RPS6KA6: variants seen among roughly 807,000 people sequenced by gnomAD.
RPS6KA6 encodes ribosomal protein S6 kinase A6.
Under a neutral mutation model 65.4 loss-of-function variants are expected in RPS6KA6, and 27 were observed. That is an observed-to-expected ratio of 0.41 (90% CI 0.30 to 0.57). RPS6KA6 has a LOEUF of 0.57. Among genes scored for constraint, RPS6KA6 ranks in the 20% least tolerant of loss-of-function variants. RPS6KA6 has a pLI of 0.24. For synonymous variants in RPS6KA6, 190 were observed against 184.2 expected (o/e 1.03, Z -0.26); for missense variants, 486 against 555.6 (o/e 0.87, Z 1.26).
At chrX:84,081,942 A>G (rs758474215) in intron 20 of RPS6KA6, among the ~76,000 whole-genome samples, 1 of 112,200 alleles carries the variant, frequency 8.9e-6, no homozygotes, top group South Asian at 3.7e-4. Context: ...GATGGAACAT[A>G]TTTCAAAATA....
chrX:84,077,659 G>T (rs1399172116), intron 20 of RPS6KA6, among the ~76,000 whole-genome samples: 1 of 111,535 alleles, frequency 9.0e-6, no homozygotes, highest in Non-Finnish European at 1.9e-5. Flanking sequence ...ACTTCTAAAA[G>T]AAAACACAGG....
At chrX:84,183,264 C>T (rs1248211254) in intron 1 of RPS6KA6, among the ~76,000 whole-genome samples, 2 of 111,376 alleles carry the variant, frequency 1.8e-5, no homozygotes, top group Non-Finnish European at 3.8e-5. Flanking sequence ...TCTTTTTACT[C>T]TCCAACATCT....
chrX:84,111,369 A>G (rs1213243528), intron 12 of RPS6KA6, among the ~76,000 whole-genome samples: 1 of 111,324 alleles, frequency 9.0e-6, no homozygotes, highest in Non-Finnish European at 1.9e-5. Flanking sequence ...GAATACAAAC[A>G]TGACCGAGGG....
chrX:84,121,951 A>G (rs1485425203), intron 8 of RPS6KA6, among the ~76,000 whole-genome samples: 1 of 112,366 alleles, frequency 8.9e-6, no homozygotes, highest in East Asian at 2.8e-4. Context: ...AAGAAAATGA[A>G]AAAGAAGCTA....
At chrX:84,182,299 C>CA (rs1052403932) in intron 1 of RPS6KA6, among the ~76,000 whole-genome samples, 10 of 108,959 alleles carry the variant, frequency 9.2e-5, no homozygotes, top group Non-Finnish European at 1.7e-4. Context: ...AAATACACAA[C>CA]AAAAAAAAAT....
chrX:84,150,095 A>T, intron 3 of RPS6KA6, among the ~76,000 whole-genome samples: 1 of 111,357 alleles, frequency 9.0e-6, no homozygotes, highest in South Asian at 3.8e-4. Flanking sequence ...TTTTCTCTTC[A>T]TGAGCCAACC....
intron 6 of RPS6KA6, among the ~76,000 whole-genome samples, chrX:84,139,639 A>G (rs1197178164): frequency 8.9e-6 from 1 of 111,895 alleles, no homozygotes; most frequent in Non-Finnish European, 1.9e-5. Context: ...TCTACACTGT[A>G]AATTCTGGAA....
chrX:84,070,567 A>C, intron 20 of RPS6KA6, among the ~76,000 whole-genome samples: 1 of 110,771 alleles, frequency 9.0e-6, no homozygotes, highest in Admixed American at 9.7e-5. Context: ...AAATTAACCA[A>C]AAAAAAACTG....
At chrX:84,134,291 T>C (rs1444857668) in intron 8 of RPS6KA6, among the ~76,000 whole-genome samples, 1 of 112,085 alleles carries the variant, frequency 8.9e-6, no homozygotes. Context: ...AGAGTTGTTA[T>C]GAACATTCAT....
intron 8 of RPS6KA6, among the ~76,000 whole-genome samples, chrX:84,123,423 C>G (rs999904763): frequency 3.0e-4 from 34 of 112,793 alleles, no homozygotes; most frequent in Non-Finnish European, 4.5e-4. Context: ...GATATAATTT[C>G]TGGATCTGCC....
chrX:84,122,285 G>A (rs2147479144), intron 8 of RPS6KA6, among the ~76,000 whole-genome samples: 1 of 107,687 alleles, frequency 9.3e-6, no homozygotes, highest in African/African-American at 3.4e-5. Flanking sequence ...GTGCTGCCCT[G>A]TTACAGCAGA....
At chrX:84,102,581 T>C (rs2034280106) in intron 17 of RPS6KA6, among the ~76,000 whole-genome samples, 2 of 110,910 alleles carry the variant, frequency 1.8e-5, no homozygotes, top group Middle Eastern at 9.2e-3. Flanking sequence ...CATAATGGAC[T>C]AAGACCCTAC....
chrX:84,155,536 T>G (rs2035401704), intron 3 of RPS6KA6, among the ~76,000 whole-genome samples: 1 of 112,231 alleles, frequency 8.9e-6, no homozygotes, highest in Non-Finnish European at 1.9e-5. Context: ...CTTACTCAAT[T>G]TTGCTTTCTG....
chrX:84,186,408 CAGTT>C (rs957049301), intron 1 of RPS6KA6, among the ~76,000 whole-genome samples: 40 of 111,857 alleles, frequency 3.6e-4, no homozygotes, highest in Admixed American at 1.5e-3. Flanking sequence ...ATTGTGCAAA[CAGTT>C]AGCATTCCCA....
rs2035953202 is a variant in RPS6KA6 at position 84,188,185 on chromosome X, C to T, written c.-286G>A. Among the ~76,000 whole-genome samples, 1 of 111,597 alleles carries T rather than the reference C, an allele frequency of 9.0e-6. No homozygotes were observed. The highest frequency in any genetic ancestry group is 3.3e-5 in the African/African-American group (1 of 30,708). ...TCACCACTGCCACCACAACGACAGC[C>T]GCTCGGTGGTGACTCCCCCAACACC... On this transcript the variant is annotated 5_prime_UTR_variant, in exon 1 of 22. Coordinates refer to ENST00000262752, the MANE Select transcript of RPS6KA6 (RefSeq NM_014496.5).
At chrX:84,066,477 CT>C (rs2033407184) in intron 20 of RPS6KA6, among the ~76,000 whole-genome samples, 1 of 110,440 alleles carries the variant, frequency 9.1e-6, no homozygotes, top group Admixed American at 9.7e-5. Flanking sequence ...CGGTCTTCCC[CT>C]GACAATGCTA....
chrX:84,066,671 C>T (rs1371327804), intron 20 of RPS6KA6, among the ~76,000 whole-genome samples: 15 of 111,481 alleles, frequency 1.3e-4, no homozygotes. Context: ...GAAGGGGCAA[C>T]TGTGGGCGCA....
At chrX:84,077,834 A>C (rs2033694009) in intron 20 of RPS6KA6, among the ~76,000 whole-genome samples, 1 of 111,884 alleles carries the variant, frequency 8.9e-6, no homozygotes, top group Admixed American at 9.5e-5. Flanking sequence ...CCAGGAAAAG[A>C]TAACAATTCA....
chrX:84,146,682 C>CT (rs749758572), intron 5 of RPS6KA6, among the ~76,000 whole-genome samples: 15 of 111,737 alleles, frequency 1.3e-4, no homozygotes, highest in African/African-American at 4.5e-4. Context: ...AGTTTATAGT[C>CT]TAAGATTATG....
Sources: gnomAD v4.1 joint callset for allele counts (sites outside exome capture counted in the v4.1 genomes callset) on GRCh38, gnomAD v4.1.1 for gene constraint, MANE v1.5 for transcripts, NCBI Gene and HGNC (gene_info 2026-07-23, HGNC 2026-07-21) for gene names.